FRMD4B: variants seen among roughly 807,000 people sequenced by gnomAD.
FRMD4B encodes the protein FERM domain containing 4B.
In FRMD4B, 74 loss-of-function variants were observed where a neutral mutation model predicts 141.5. That is an observed-to-expected ratio of 0.52 (90% CI 0.43 to 0.63). The LOEUF is 0.63. Ranked by LOEUF, FRMD4B falls within the 30% of genes least tolerant of loss-of-function variation. The probability of loss-of-function intolerance (pLI) is 0.00; values close to 1 mark genes in which losing one functional copy is unlikely to be tolerated. For synonymous variants in FRMD4B, 506 were observed against 467.9 expected, an observed-to-expected ratio of 1.08 and a Z score of -1.05; for missense variants, 1,366 against 1,253.4, an observed-to-expected ratio of 1.09 and a Z score of -1.36.
At chr3:69,385,547 G>A (rs1704228385) in intron 1 of FRMD4B, among the ~76,000 whole-genome samples, 2 of 152,140 alleles carry the variant, frequency 1.3e-5, no homozygotes, top group Admixed American at 6.5e-5. Context: ...CAAAGCAACA[G>A]CCTCCCTAGT....
At chr3:69,321,258 CA>C in intron 1 of FRMD4B, among the ~76,000 whole-genome samples, 1 of 152,108 alleles carries the variant, frequency 6.6e-6, no homozygotes, top group African/African-American at 2.4e-5. Flanking sequence ...GAAATAGCTA[CA>C]AAAAAAGACC....
intron 1 of FRMD4B, among the ~76,000 whole-genome samples, chr3:69,358,250 T>C (rs1703380899): frequency 6.6e-6 from 1 of 152,238 alleles, no homozygotes; most frequent in African/African-American, 2.4e-5. Context: ...CAGAGCTGGG[T>C]GTGTGGCCTA....
chr3:69,384,135 T>C (rs370056756), intron 1 of FRMD4B, among the ~76,000 whole-genome samples: 1 of 152,158 alleles, frequency 6.6e-6, no homozygotes, highest in South Asian at 2.1e-4. Context: ...TCAATTATGA[T>C]ATGGTATTGG....
chr3:69,358,982 G>A (rs1240912123), intron 1 of FRMD4B, among the ~76,000 whole-genome samples: 1 of 152,100 alleles, frequency 6.6e-6, no homozygotes, highest in Non-Finnish European at 1.5e-5. Flanking sequence ...AGAACCATGA[G>A]CCAAATAAAT....
chr3:69,193,007 G>C (rs1445457602), intron 17 of FRMD4B, among the ~76,000 whole-genome samples: 1 of 151,770 alleles, frequency 6.6e-6, no homozygotes, highest in African/African-American at 2.4e-5. Flanking sequence ...TTTTTGAAGA[G>C]ACGGGGTTTC....
At chr3:69,302,521 T>G (rs1389776089) in intron 3 of FRMD4B, 86 bp from the exon 4 acceptor site, 7 of 808,896 alleles carry the variant, frequency 8.7e-6, no homozygotes, top group Admixed American at 8.0e-5. Context: ...TGTGGCGAAA[T>G]AGTTGCTCTC....
At chr3:69,203,215 C>A (rs2092987230) in intron 11 of FRMD4B, among the ~76,000 whole-genome samples, 1 of 147,986 alleles carries the variant, frequency 6.8e-6, no homozygotes, top group African/African-American at 2.5e-5. Context: ...AGTTAGATTC[C>A]ACTCACTTTT....
intron 1 of FRMD4B, among the ~76,000 whole-genome samples, chr3:69,501,849 C>G (rs1706502579): frequency 1.3e-5 from 2 of 151,962 alleles, no homozygotes; most frequent in African/African-American, 4.8e-5. Flanking sequence ...GATACAAAAT[C>G]AATGTGCAAA....
At chr3:69,351,526 C>T (rs1187624224) in intron 1 of FRMD4B, among the ~76,000 whole-genome samples, 1 of 152,200 alleles carries the variant, frequency 6.6e-6, no homozygotes, top group Admixed American at 6.5e-5. Context: ...TGTGCACAGG[C>T]TTCTGCTAGC....
chr3:69,279,364 A>G (rs1168379724), intron 5 of FRMD4B, among the ~76,000 whole-genome samples: 1 of 152,202 alleles, frequency 6.6e-6, no homozygotes. Context: ...CCAGTTCCTT[A>G]TTTGTTGAAG....
In FRMD4B at chr3:69,176,545, T is replaced by C. The variant is rs752748573; in HGVS notation, c.2963A>G (p.Asn988Ser). Residue 988 changes from asparagine (N) to serine (S), a missense_variant, in exon 22 of 23, where the codon AAT becomes AGT. Physicochemically the swap from Asn to Ser is conservative, Grantham distance 46. Coordinates refer to ENST00000398540, the MANE Select transcript of FRMD4B (RefSeq NM_015123.3). ...TCACCTGCTTGGAGAGGGTAAAGGATTATAGACATTGCCATAGCAGCTGGT... is the reference window on the plus strand; with the variant it reads ...TCACCTGCTTGGAGAGGGTAAAGGACTATAGACATTGCCATAGCAGCTGGT... ...SYTSCYGNVY[N>S]PLPSPSRQYT... is the part of the protein sequence containing the mutation. 72 of 1,612,528 alleles carry C rather than the reference T, an allele frequency of 4.5e-5. No individual in the cohort carries two copies. In the Admixed American group the frequency reaches 1.2e-3, roughly 27 times the overall value.
chr3:69,347,152 G>C (rs1403120352), intron 1 of FRMD4B, among the ~76,000 whole-genome samples: 1 of 151,764 alleles, frequency 6.6e-6, no homozygotes, highest in African/African-American at 2.4e-5. Flanking sequence ...CGAAGCAAAT[G>C]GAAAACAAAA....
chr3:69,424,243 G>C (rs1166876926), intron 2 of FRMD4B, among the ~76,000 whole-genome samples: 1 of 152,116 alleles, frequency 6.6e-6, no homozygotes, highest in African/African-American at 2.4e-5. Context: ...TGCTAATTTG[G>C]TGTTCATGAT....
chr3:69,244,139 G>A (rs1208018363), intron 7 of FRMD4B, among the ~76,000 whole-genome samples: 1 of 152,160 alleles, frequency 6.6e-6, no homozygotes, highest in Admixed American at 6.5e-5. Flanking sequence ...TGAGTGGGAA[G>A]GAATGAGGGC....
chr3:69,435,492 C>T (rs957654683), intron 1 of FRMD4B, among the ~76,000 whole-genome samples: 1 of 152,150 alleles, frequency 6.6e-6, no homozygotes, highest in African/African-American at 2.4e-5. Flanking sequence ...TTTATTGGCA[C>T]ACAGCCATGT....
At chr3:69,507,487 A>C (rs560495546) in intron 1 of FRMD4B, among the ~76,000 whole-genome samples, 2 of 152,278 alleles carry the variant, frequency 1.3e-5, no homozygotes, top group African/African-American at 4.8e-5. Flanking sequence ...CCATATCCAT[A>C]TATATAAGGC....
chr3:69,373,946 CTTGTT>C (rs1173169604), intron 1 of FRMD4B, among the ~76,000 whole-genome samples: 1 of 152,148 alleles, frequency 6.6e-6, no homozygotes, highest in Non-Finnish European at 1.5e-5. Context: ...TTTAGATAAT[CTTGTT>C]TTGTCCCCTC....
rs60061223 is a variant in FRMD4B at position 69,169,002 on chromosome 3, CAAAAAA to C, written c.*2853_*2858del. Among the ~76,000 whole-genome samples the C allele has an allele frequency of 6.6e-6, 1 of 151,390 alleles. No homozygotes were observed. Among genetic ancestry groups the C allele is most frequent in the African/African-American group, 2.4e-5 (1 of 41,054 alleles). ...TATATTAGGCAGAAAACAAAACAAACAAAAAAAAATGTTGTAAAACTGTACTTGTAA... is the reference window on the plus strand; with the variant it reads ...TATATTAGGCAGAAAACAAAACAAACAAATGTTGTAAAACTGTACTTGTAA... On this transcript the variant is annotated 3_prime_UTR_variant, in exon 23 of 23. Coordinates refer to ENST00000398540, the MANE Select transcript of FRMD4B (RefSeq NM_015123.3).
At chr3:69,293,123 C>T (rs1423318817) in intron 4 of FRMD4B, 39 of 366,244 alleles carry the variant, frequency 1.1e-4, no homozygotes, top group Middle Eastern at 7.6e-4. Flanking sequence ...ACCACTGTGA[C>T]ATGACAAAGA....
Sources: allele counts gnomAD v4.1 joint callset (sites outside exome capture counted in the v4.1 genomes callset), GRCh38; gene constraint gnomAD v4.1.1; transcripts MANE v1.5; gene names NCBI Gene and HGNC (gene_info 2026-07-23, HGNC 2026-07-21).